ANK3: variants seen among roughly 807,000 people sequenced by gnomAD.
The protein encoded by ANK3 is ankyrin-3.
In ANK3, 57 loss-of-function variants were observed where a neutral mutation model predicts 370.9. The ratio of observed to expected loss-of-function variants is 0.15; its 90% CI spans 0.12 to 0.19. The LOEUF (loss-of-function observed/expected upper bound fraction) is 0.19, where lower values mean the gene tolerates loss of function less well. Ranked by LOEUF, ANK3 falls within the 10% of genes least tolerant of loss-of-function variation. ANK3 has a pLI of 1.00. For missense variants in ANK3, 4,439 were observed against 5,302.1 expected (o/e 0.84, Z 5.06); for synonymous variants, 1,929 against 1,946.3 (o/e 0.99, Z 0.23).
At chr10:60,187,311 A>G (rs934256093) in intron 16 of ANK3, among the ~76,000 whole-genome samples, 1 of 151,640 alleles carries the variant, frequency 6.6e-6, no homozygotes, top group Non-Finnish European at 1.5e-5. Context: ...GCCTGCCACC[A>G]TGCCCGGCTA....
chr10:60,045,191 G>A (rs996475467), intron 42 of ANK3, among the ~76,000 whole-genome samples: 3 of 152,166 alleles, frequency 2.0e-5, no homozygotes, highest in African/African-American at 7.2e-5. Flanking sequence ...CATAGAATGT[G>A]CTCACCATTG....
intron 2 of ANK3, among the ~76,000 whole-genome samples, chr10:60,442,520 T>C (rs969139680): frequency 4.6e-5 from 7 of 152,212 alleles, no homozygotes; most frequent in Non-Finnish European, 4.4e-5. Flanking sequence ...ACTGTTATTT[T>C]TCACTGTGTT....
At chr10:60,481,390 A>G (rs1244078317) in intron 2 of ANK3, among the ~76,000 whole-genome samples, 1 of 152,144 alleles carries the variant, frequency 6.6e-6, no homozygotes, top group Non-Finnish European at 1.5e-5. Context: ...CCAGCCTTAC[A>G]TTCTGCTGCC....
chr10:60,444,486 A>T lies in ANK3; in HGVS notation c.97-164847T>A, dbSNP rs10994353. ...TATAAAGACTAATGAAAGGAGATACAGACTGGACAAAAAGTGGCTATTAAC... is the reference window on the plus strand; with the variant it reads ...TATAAAGACTAATGAAAGGAGATACTGACTGGACAAAAAGTGGCTATTAAC... On this transcript the variant is annotated intron_variant, in intron 2 of 43. Transcript: ENST00000373827. 7.2e-3 allele frequency among the ~76,000 whole-genome samples: 1,094 copies of T among 151,704 alleles called. 16 individuals carry two copies. Among genetic ancestry groups the T allele is most frequent in the African/African-American group, 0.024 (1,009 of 41,408 alleles).
intron 2 of ANK3, among the ~76,000 whole-genome samples, chr10:60,564,727 T>C (rs1045371605): frequency 3.3e-5 from 5 of 152,170 alleles, no homozygotes; most frequent in Non-Finnish European, 5.9e-5. Flanking sequence ...GGCAAAGCTA[T>C]GGTGGTCTGG....
At chr10:60,114,079 T>C in intron 26 of ANK3, 146 bp downstream of exon 26, 1 of 371,206 alleles carries the variant, frequency 2.7e-6, no homozygotes, top group Middle Eastern at 3.9e-4. Context: ...GATTTACAAA[T>C]ACATCTCACA....
chr10:60,032,194 CTTTTTTT>C (rs552219776), intron 43 of ANK3, among the ~76,000 whole-genome samples: 18 of 43,130 alleles, frequency 4.2e-4, no homozygotes, highest in South Asian at 1.0e-3. Flanking sequence ...TACACAGCTT[CTTTTTTT>C]TTTTTTTTTT....
At chr10:60,548,505 C>T (rs1256937828) in intron 2 of ANK3, among the ~76,000 whole-genome samples, 1 of 151,988 alleles carries the variant, frequency 6.6e-6, no homozygotes, top group Non-Finnish European at 1.5e-5. Context: ...CCACCTTGGC[C>T]TCCCAAAGTG....
At chr10:60,602,300 C>G (rs2078074947) in intron 2 of ANK3, among the ~76,000 whole-genome samples, 1 of 152,112 alleles carries the variant, frequency 6.6e-6, no homozygotes, top group Admixed American at 6.6e-5. Flanking sequence ...GACTTCTTTT[C>G]TTATCCTCCC....
intron 2 of ANK3, chr10:60,508,362 A>AT (rs2075992835): frequency 6.6e-6 from 1 of 152,622 alleles, no homozygotes; most frequent in East Asian, 1.9e-4. Flanking sequence ...CAGGGTAGAG[A>AT]TGCTTACTAA....
chr10:60,225,155 C>G (rs1411843012), intron 8 of ANK3, among the ~76,000 whole-genome samples: 1 of 152,078 alleles, frequency 6.6e-6, no homozygotes, highest in Non-Finnish European at 1.5e-5. Context: ...TCAAGCAATC[C>G]TCTCACGTCA....
rs1029982059 is a variant in ANK3, at chr10:60,496,065, C to G, written c.96+119121G>C. Among the ~76,000 whole-genome samples the G allele has an allele frequency of 1.1e-4, 17 of 151,530 alleles. No homozygotes were observed. The East Asian group carries it at 3.3e-3, about 29-fold the overall frequency. On this transcript the variant is annotated intron_variant, in intron 2 of 43. Coordinates refer to the ANK3 transcript ENST00000373827. Reference sequence around the variant, plus strand: ...TATATAGCTAGGGTCAACATAGTGTCTGGTATATGATGGAGCTCAATATGG... The same window carrying G: ...TATATAGCTAGGGTCAACATAGTGTGTGGTATATGATGGAGCTCAATATGG...
intron 2 of ANK3, among the ~76,000 whole-genome samples, chr10:60,505,053 C>G (rs2075900080): frequency 6.6e-6 from 1 of 152,078 alleles, no homozygotes. Flanking sequence ...CATTTAAAAG[C>G]AAATGATATG....
chr10:60,081,209 T>C (rs977987481), intron 35 of ANK3, among the ~76,000 whole-genome samples: 1 of 152,134 alleles, frequency 6.6e-6, no homozygotes, highest in Non-Finnish European at 1.5e-5. Context: ...CTCAGCCTCC[T>C]GAGTAGATGG....
intron 2 of ANK3, among the ~76,000 whole-genome samples, chr10:60,402,710 G>A (rs1027649266): frequency 6.6e-5 from 10 of 152,172 alleles, no homozygotes; most frequent in African/African-American, 2.4e-4. Flanking sequence ...CAAAAAGCCT[G>A]GGTTAGCCTG....
At chr10:60,433,410 T>C (rs1007428150) in intron 2 of ANK3, among the ~76,000 whole-genome samples, 1 of 152,096 alleles carries the variant, frequency 6.6e-6, no homozygotes, top group African/African-American at 2.4e-5. Flanking sequence ...GCCAACGTGG[T>C]GAAACCCCGT....
At chr10:60,486,005 G>T (rs1417921224) in intron 2 of ANK3, among the ~76,000 whole-genome samples, 2 of 152,184 alleles carry the variant, frequency 1.3e-5, no homozygotes, top group African/African-American at 4.8e-5. Context: ...CAGGAAAGGG[G>T]TGCTTGAGAG....
At chr10:60,058,408 A>C (rs1418170225) in intron 41 of ANK3, among the ~76,000 whole-genome samples, 1 of 149,494 alleles carries the variant, frequency 6.7e-6, no homozygotes, top group East Asian at 1.9e-4. Flanking sequence ...ATTTTGGGTA[A>C]AGACAAATGT....
In ANK3 at chr10:60,186,816, G is replaced by T. The variant is rs201236502; in HGVS notation, c.1984C>A (p.Arg662=). The change falls in exon 17 of 44, where the codon CGG becomes AGG. Residue 662 remains arginine, a synonymous_variant. Transcript: ENST00000280772. ...EYGADANAVT[R]QGIASVHLAA... ...AGATGGACGGAAGCAATTCCTTGCC[G>T]GGTAACTGCGTTGGCATCAGCACCA... is the stretch of plus-strand genomic sequence containing the variant. The T allele has an allele frequency of 6.2e-7, 1 of 1,614,142 alleles. No homozygotes were observed. The highest frequency in any genetic ancestry group is 2.2e-5 in the East Asian group (1 of 44,880).
Sources: gnomAD v4.1 joint callset for allele counts (sites outside exome capture counted in the v4.1 genomes callset) on GRCh38, gnomAD v4.1.1 for gene constraint, MANE v1.5 for transcripts, NCBI Gene and HGNC (gene_info 2026-07-23, HGNC 2026-07-21) for gene names.